DMD: variants seen among roughly 807,000 people sequenced by gnomAD.
DMD encodes mutant dystrophin.
DMD carries 63 observed loss-of-function variants against 330.1 expected under a neutral mutation model. The ratio of observed to expected loss-of-function variants is 0.19; its 90% CI spans 0.16 to 0.24. The LOEUF (loss-of-function observed/expected upper bound fraction) is 0.24, where lower values mean the gene tolerates loss of function less well. Among genes scored for constraint, DMD ranks in the 10% least tolerant of loss-of-function variants. The pLI is 1.00. For missense variants in DMD, 3,344 were observed against 2,684.1 expected (o/e 1.25, Z -5.43); for synonymous variants, 1,223 against 959.8 (o/e 1.27, Z -5.07).
intron 9 of DMD, among the ~76,000 whole-genome samples, chrX:32,650,096 G>T (rs2060048104): frequency 9.0e-6 from 1 of 111,333 alleles, no homozygotes; most frequent in Non-Finnish European, 1.9e-5. Flanking sequence ...TAATCAAGTG[G>T]CTACATGTAG....
At chrX:31,762,209 T>C (rs770602997) in intron 51 of DMD, among the ~76,000 whole-genome samples, 163 of 112,004 alleles carry the variant, frequency 1.5e-3, no homozygotes, top group African/African-American at 5.2e-3. Context: ...CTTTCCCCAT[T>C]TTCCCTTCTT....
intron 52 of DMD, among the ~76,000 whole-genome samples, chrX:31,691,818 C>G (rs1413911085): frequency 1.8e-5 from 2 of 111,719 alleles, no homozygotes; most frequent in Non-Finnish European, 3.8e-5. Context: ...GGAAACATAG[C>G]CTATAACATA....
chrX:31,347,629 G>T (rs772738546), intron 61 of DMD, among the ~76,000 whole-genome samples: 1 of 112,186 alleles, frequency 8.9e-6, no homozygotes, highest in East Asian at 2.8e-4. Flanking sequence ...CCATTCATCT[G>T]TTGATATACA....
At chrX:32,517,770 T>C (rs2148802089) in intron 18 of DMD, 3 of 433,246 alleles carry the variant, frequency 6.9e-6, no homozygotes, top group South Asian at 8.0e-5. Context: ...TTAAATAATA[T>C]GTAAGTTAAG....
intron 2 of DMD, among the ~76,000 whole-genome samples, chrX:32,851,109 T>C (rs180977424): frequency 3.7e-3 from 409 of 111,649 alleles, no homozygotes; most frequent in Non-Finnish European, 6.2e-3. Flanking sequence ...GGATCACATA[T>C]AAACTTTGAA....
rs1556914994 is a variant in DMD at position 31,816,808 on chromosome X, A to ACACACACC, written c.7309+3166_7309+3167insGGTGTGTG. Among the ~76,000 whole-genome samples, 47 of 108,381 alleles carry ACACACACC rather than the reference A, an allele frequency of 4.3e-4. 1 individual carries two copies. The highest frequency in any genetic ancestry group is 1.2e-3 in the African/African-American group (37 of 29,681). The allele number at this position is 108,381 out of a possible 115,157, so 94.1% of individuals were successfully genotyped here. ...GCAAGATTCTGTCACACACACACAC[A>ACACACACC]CACACACACACACAAAGAAAAAAGA... On this transcript the variant is annotated intron_variant, in intron 50 of 78. Transcript: ENST00000357033.
intron 12 of DMD, among the ~76,000 whole-genome samples, chrX:32,609,014 A>G (rs1348637781): frequency 1.8e-5 from 2 of 110,787 alleles, no homozygotes; most frequent in Admixed American, 1.9e-4. Flanking sequence ...CCTTCTTCCA[A>G]CTATTGCATT....
chrX:31,935,660 A>T (rs2094913696), intron 45 of DMD, among the ~76,000 whole-genome samples: 1 of 111,327 alleles, frequency 9.0e-6, no homozygotes, highest in South Asian at 3.7e-4. Context: ...GAATACTTTT[A>T]GTTAAGTAAA....
intron 9 of DMD, among the ~76,000 whole-genome samples, chrX:32,662,448 A>G (rs1487102976): frequency 8.9e-6 from 1 of 111,978 alleles, no homozygotes; most frequent in Admixed American, 9.5e-5. Flanking sequence ...AGTGGGACAA[A>G]ATACAATCCT....
At chrX:32,581,078 G>T (rs948860427) in intron 13 of DMD, among the ~76,000 whole-genome samples, 1 of 111,440 alleles carries the variant, frequency 9.0e-6, no homozygotes, top group African/African-American at 3.3e-5. Context: ...TGCCCGCCTC[G>T]GCCTCGCAAA....
intron 59 of DMD, among the ~76,000 whole-genome samples, chrX:31,453,788 A>C (rs1415594769): frequency 1.0e-3 from 109 of 105,011 alleles, no homozygotes; most frequent in African/African-American, 3.7e-3. Context: ...AAAAAAAAAA[A>C]AACCACAAAA....
intron 44 of DMD, among the ~76,000 whole-genome samples, chrX:31,992,119 A>C (rs1475139357): frequency 1.8e-5 from 2 of 111,875 alleles, no homozygotes; most frequent in Non-Finnish European, 3.8e-5. Context: ...GACACTCCTG[A>C]GGGAAGTTAG....
In DMD at chrX:31,932,162, A is replaced by C; in HGVS notation, c.6680T>G (p.Leu2227Trp). 8.4e-7 allele frequency: 1 copy of C among 1,194,216 alleles called. No individual in the cohort carries two copies. The highest frequency in any genetic ancestry group is 1.1e-6 in the Non-Finnish European group (1 of 879,616). Residue 2227 changes from leucine to tryptophan, a missense_variant, in exon 46 of 79, where the codon TTG becomes TGG. Leu to Trp is a moderately conservative substitution (Grantham distance 61). Transcript: ENST00000357033. ...QRDLNEFVLW[L>W]EEADNIASIP... Reference sequence around the variant, plus strand: ...ACTAGCAATGTTATCTGCTTCCTCCAACCATAAAACAAATTCATTTAAATC... The same window carrying C: ...ACTAGCAATGTTATCTGCTTCCTCCCACCATAAAACAAATTCATTTAAATC...
intron 2 of DMD, among the ~76,000 whole-genome samples, chrX:32,850,147 G>A (rs2081021218): frequency 9.0e-6 from 1 of 111,546 alleles, no homozygotes; most frequent in South Asian, 3.7e-4. Context: ...TACGGGTAAA[G>A]GGAAAAGTAA....
In DMD at chrX:32,554,613, G is replaced by A. The variant is rs748577951; in HGVS notation, c.1993-9279C>T. On this transcript the variant is annotated intron_variant, in intron 16 of 78. Transcript: ENST00000357033. ...TAGATCAATAATGCGTTCTGAAATT[G>A]AGGCAATAATAAATATCCCACCAAC... Among the ~76,000 whole-genome samples the A allele has an allele frequency of 1.0e-4, 11 of 108,692 alleles. No individual in the cohort carries two copies. In the South Asian group the frequency reaches 4.1e-3, roughly 41 times the overall value. The allele number at this position is 108,692 out of a possible 115,157, so 94.4% of individuals were successfully genotyped here. A position where few individuals can be genotyped will look rare whatever the true frequency, so the allele number is the denominator to read the frequency against.
At chrX:32,773,091 C>CT (rs1473204614) in intron 7 of DMD, among the ~76,000 whole-genome samples, 1 of 111,907 alleles carries the variant, frequency 8.9e-6, no homozygotes, top group South Asian at 3.7e-4. Flanking sequence ...GGTGCTTACC[C>CT]TTTCCCTGTA....
intron 1 of DMD, among the ~76,000 whole-genome samples, chrX:33,023,397 C>G (rs1468606008): frequency 2.7e-5 from 3 of 111,345 alleles, no homozygotes; most frequent in African/African-American, 9.8e-5. Context: ...CTTTATAATA[C>G]TTTCCAAGTG....
chrX:32,449,196 A>T (rs1235697128), intron 26 of DMD, among the ~76,000 whole-genome samples: 1 of 111,086 alleles, frequency 9.0e-6, no homozygotes, highest in Non-Finnish European at 1.9e-5. Flanking sequence ...AGCTGCTGAT[A>T]TCAGAAGCTG....
upstream of DMD, among the ~76,000 whole-genome samples, chrX:33,212,021 CAA>C (rs755398345): frequency 1.3e-3 from 146 of 112,060 alleles, no homozygotes; most frequent in African/African-American, 4.6e-3. Flanking sequence ...GGGATTCAAT[CAA>C]AAGTTATGTA....
Sources: gnomAD v4.1 joint callset for allele counts (sites outside exome capture counted in the v4.1 genomes callset) on GRCh38, gnomAD v4.1.1 for gene constraint, MANE v1.5 for transcripts, NCBI Gene and HGNC (gene_info 2026-07-23, HGNC 2026-07-21) for gene names.